ZMYM1: variants seen among roughly 807,000 people sequenced by gnomAD.
ZMYM1 encodes the protein zinc finger MYM-type containing 1.
Under a neutral mutation model 60.0 loss-of-function variants are expected in ZMYM1, and 39 were observed. The ratio of observed to expected loss-of-function variants is 0.65; its 90% CI spans 0.50 to 0.85. ZMYM1 has a LOEUF of 0.85. ZMYM1 is among the 40% of genes least tolerant of loss of function. The pLI is 0.00. For synonymous variants in ZMYM1, 413 were observed against 454.0 expected (o/e 0.91, Z 1.15); for missense variants, 1,171 against 1,309.5 (o/e 0.89, Z 1.63).
At position 35,114,057 on chromosome 1, in the gene ZMYM1, A is replaced by C; in HGVS notation, c.2227A>C (p.Ile743Leu). The C allele has an allele frequency of 3.1e-6, 5 of 1,610,370 alleles. No homozygotes were observed. Among genetic ancestry groups the C allele is most frequent in the Non-Finnish European group, 4.2e-6 (5 of 1,179,112 alleles). ...GAAAGAAGAACCAAGAGCTTTATAC[A>C]TACATTGTTATGCACACTTTTTGGA... ...FKKEEPRALYIHCYAHFLDLS... is the reference protein window; with the variant it reads ...FKKEEPRALYLHCYAHFLDLS... Residue 743 changes from isoleucine (I) to leucine (L), a missense_variant, in exon 10 of 10, where the codon ATA (isoleucine) becomes CTA (leucine). Transcript: ENST00000359858.
intron 1 of ZMYM1, among the ~76,000 whole-genome samples, chr1:35,065,504 T>G (rs1641958791): frequency 6.6e-6 from 1 of 151,764 alleles, no homozygotes; most frequent in African/African-American, 2.4e-5. Context: ...GTAATTAGGT[T>G]TTGGGGGATT....
At chr1:35,071,786 A>G (rs1642070673) in intron 1 of ZMYM1, among the ~76,000 whole-genome samples, 2 of 152,106 alleles carry the variant, frequency 1.3e-5, no homozygotes, top group Middle Eastern at 3.2e-3. Context: ...TTTCTTTTCA[A>G]TTTTCAGGAA....
intron 1 of ZMYM1, among the ~76,000 whole-genome samples, chr1:35,081,025 C>G (rs1343900017): frequency 2.6e-5 from 4 of 152,016 alleles, no homozygotes; most frequent in African/African-American, 4.8e-5. Flanking sequence ...CTCACTGCAA[C>G]CTCCACCTCC....
intron 4 of ZMYM1, among the ~76,000 whole-genome samples, chr1:35,099,101 G>A (rs931251021): frequency 6.6e-6 from 1 of 152,160 alleles, no homozygotes; most frequent in African/African-American, 2.4e-5. Context: ...CCAGCATGTA[G>A]TAAGAACTCA....
chr1:35,114,302 A>G lies in ZMYM1; in HGVS notation c.2472A>G (p.Pro824=), dbSNP rs1490053542. Residue 824 remains proline (P), a synonymous_variant, in exon 10 of 10, where the codon CCA becomes CCG. Coordinates refer to ENST00000359858, the MANE Select transcript of ZMYM1 (RefSeq NM_024772.5). ...RTLLSVIDSL[P]EIIETLEVIA... ...TACTATCTGTGATTGACAGTCTTCC[A>G]GAGATTATTGAAACATTGGAAGTTA... is the stretch of plus-strand genomic sequence containing the variant. 1 of 1,613,808 alleles carries G rather than the reference A, an allele frequency of 6.2e-7. No individual in the cohort carries two copies. The highest frequency in any genetic ancestry group is 2.2e-5 in the East Asian group (1 of 44,834).
chr1:35,111,629 A>C, intron 7 of ZMYM1, 143 bp from the exon 8 acceptor site: 1 of 601,510 alleles, frequency 1.7e-6, no homozygotes, highest in Non-Finnish European at 2.5e-6. Context: ...GCTATTCCTA[A>C]GCCCTAATAA....
intron 4 of ZMYM1, among the ~76,000 whole-genome samples, chr1:35,102,609 A>G (rs185737780): frequency 6.6e-6 from 1 of 152,330 alleles, no homozygotes; most frequent in Admixed American, 6.5e-5. Context: ...ACTTGAAGTG[A>G]CAGTCTCATT....
chr1:35,100,748 G>A (rs1440255697), intron 4 of ZMYM1, among the ~76,000 whole-genome samples: 1 of 151,900 alleles, frequency 6.6e-6, no homozygotes, highest in African/African-American at 2.4e-5. Context: ...GTCCAAAATA[G>A]GCCCCTGCAC....
At chr1:35,103,977 T>C (rs1336076918) in intron 4 of ZMYM1, among the ~76,000 whole-genome samples, 1 of 152,182 alleles carries the variant, frequency 6.6e-6, no homozygotes, top group Non-Finnish European at 1.5e-5. Flanking sequence ...ATTATGTGCC[T>C]GTAATCCTAG....
At chr1:35,059,948 C>T (rs1371786429) in intron 1 of ZMYM1, 2 of 152,002 alleles carry the variant, frequency 1.3e-5, no homozygotes, top group Non-Finnish European at 2.9e-5. Context: ...TCTCTCTTGC[C>T]CTCACCCTTA....
At chr1:35,118,374 T>A (rs1638538135), downstream of ZMYM1, among the ~76,000 whole-genome samples, 1 of 152,210 alleles carries the variant, frequency 6.6e-6, no homozygotes, top group African/African-American at 2.4e-5. Flanking sequence ...AACCATGTGT[T>A]TTTTCATTTT....
downstream of ZMYM1, among the ~76,000 whole-genome samples, chr1:35,117,678 C>A (rs543261815): frequency 1.3e-5 from 2 of 152,066 alleles, no homozygotes; most frequent in East Asian, 3.9e-4. Context: ...CAGTGGCTCA[C>A]ACTTGTAATC....
chr1:35,062,034 G>T (rs1457637159), intron 1 of ZMYM1, among the ~76,000 whole-genome samples: 1 of 151,922 alleles, frequency 6.6e-6, no homozygotes, highest in Non-Finnish European at 1.5e-5. Context: ...GTTTCACCAT[G>T]TTGGCCAAGC....
intron 4 of ZMYM1, among the ~76,000 whole-genome samples, chr1:35,099,787 A>T (rs887893764): frequency 2.0e-5 from 3 of 151,816 alleles, no homozygotes; most frequent in Non-Finnish European, 4.4e-5. Context: ...CTGATCTTAA[A>T]CTCCTGAGTT....
chr1:35,117,235 T>C (rs116826188), downstream of ZMYM1, among the ~76,000 whole-genome samples: 2,261 of 152,108 alleles, frequency 0.015, 52 homozygotes, highest in African/African-American at 0.049. Context: ...GGAGAACATC[T>C]ATTTCATTGA....
At chr1:35,095,504 A>AG (rs1162870583) in intron 2 of ZMYM1, among the ~76,000 whole-genome samples, 2 of 151,706 alleles carry the variant, frequency 1.3e-5, no homozygotes, top group East Asian at 3.9e-4. Flanking sequence ...AAAAAAAGAA[A>AG]AAAAAAAAAA....
At chr1:35,085,012 T>C (rs1276852331) in intron 1 of ZMYM1, among the ~76,000 whole-genome samples, 1 of 152,046 alleles carries the variant, frequency 6.6e-6, no homozygotes, top group Non-Finnish European at 1.5e-5. Context: ...AAGGCTACTC[T>C]GTTATGCCTG....
intron 1 of ZMYM1, among the ~76,000 whole-genome samples, chr1:35,092,603 CCTTTCTTT>C (rs371784403): frequency 2.0e-5 from 3 of 146,476 alleles, no homozygotes; most frequent in African/African-American, 8.1e-5. Context: ...TTCCTACCTT[CCTTTCTTT>C]CTTTCTTTCC....
chr1:35,061,138 C>A (rs1641867427), intron 1 of ZMYM1, among the ~76,000 whole-genome samples: 1 of 152,212 alleles, frequency 6.6e-6, no homozygotes, highest in East Asian at 1.9e-4. Context: ...TCAGCCTAGT[C>A]TAACACTAGT....
Sources: allele counts gnomAD v4.1 joint callset (sites outside exome capture counted in the v4.1 genomes callset), GRCh38; gene constraint gnomAD v4.1.1; transcripts MANE v1.5; gene names NCBI Gene and HGNC (gene_info 2026-07-23, HGNC 2026-07-21).